Variants in PHACTR4 observed in about 807,000 individuals in gnomAD.
PHACTR4 encodes the protein phosphatase and actin regulator 4.
In PHACTR4, 51 loss-of-function variants were observed where a neutral mutation model predicts 72.7. That is an observed-to-expected ratio of 0.70 (90% CI 0.56 to 0.89). PHACTR4 has a LOEUF of 0.89. PHACTR4 is among the 40% of genes least tolerant of loss of function. PHACTR4 has a pLI of 0.00. For missense variants in PHACTR4, 731 were observed against 861.8 expected (o/e 0.85, Z 1.90); for synonymous variants, 255 against 302.5 (o/e 0.84, Z 1.63).
intron 1 of PHACTR4, among the ~76,000 whole-genome samples, chr1:28,404,268 T>C (rs933372260): frequency 1.4e-5 from 2 of 144,578 alleles, no homozygotes; most frequent in South Asian, 4.3e-4. Context: ...AGATTTTGTA[T>C]GAACATCCTT....
intron 1 of PHACTR4, among the ~76,000 whole-genome samples, chr1:28,391,737 C>T (rs1653060729): frequency 6.6e-6 from 1 of 150,724 alleles, no homozygotes. Context: ...TCCCAAGTAG[C>T]TGGAATTACA....
At chr1:28,401,514 C>G (rs1190109347) in intron 1 of PHACTR4, among the ~76,000 whole-genome samples, 1 of 151,888 alleles carries the variant, frequency 6.6e-6, no homozygotes, top group Non-Finnish European at 1.5e-5. Context: ...ACCATGTTGG[C>G]CAGGCTGGTT....
In PHACTR4 at chr1:28,409,951, A is replaced by ATTTTTTT. The variant is rs57186471; in HGVS notation, c.16+2516_16+2522dup. On this transcript the variant is annotated intron_variant, in intron 2 of 13. Transcript: ENST00000373839. ...GAGGGCAGTCTGTACTTCTTCATAA[A>ATTTTTTT]TTTTTTTTTTTTTTTTTTTTTTTTT... is the stretch of plus-strand genomic sequence containing the variant. 4.4e-4 allele frequency among the ~76,000 whole-genome samples: 29 copies of ATTTTTTT among 66,364 alleles called. 2 individuals carry two copies. Among genetic ancestry groups the ATTTTTTT allele is most frequent in the African/African-American group, 1.0e-3 (16 of 15,674 alleles). The allele number at this position is 66,364 out of a possible 152,430, so 43.5% of individuals were successfully genotyped here.
intron 8 of PHACTR4, among the ~76,000 whole-genome samples, chr1:28,479,720 G>T (rs115871141): frequency 6.6e-6 from 1 of 150,726 alleles, no homozygotes; most frequent in African/African-American, 2.5e-5. Context: ...CCCGAAACCC[G>T]GTGTCTACTA....
chr1:28,382,604 A>G (rs10794517), intron 1 of PHACTR4, among the ~76,000 whole-genome samples: 58,619 of 151,154 alleles, frequency 0.39, 12,995 homozygotes, highest in African/African-American at 0.6. Context: ...CGCCCGGCCT[A>G]TCATGAAATT....
At chr1:28,424,886 C>G (rs1470577715) in intron 2 of PHACTR4, among the ~76,000 whole-genome samples, 1 of 151,940 alleles carries the variant, frequency 6.6e-6, no homozygotes, top group South Asian at 2.1e-4. Context: ...CTCTTCCTCC[C>G]AGGTTCAAAC....
chr1:28,416,620 C>T (rs1045982499), intron 2 of PHACTR4, among the ~76,000 whole-genome samples: 6 of 152,196 alleles, frequency 3.9e-5, no homozygotes, highest in South Asian at 2.1e-4. Flanking sequence ...CTTCTGACTA[C>T]GTCTTACTCC....
chr1:28,410,457 A>C (rs1449078791), intron 2 of PHACTR4, among the ~76,000 whole-genome samples: 1 of 152,194 alleles, frequency 6.6e-6, no homozygotes, highest in African/African-American at 2.4e-5. Context: ...TCCTTGCTTC[A>C]CTTAAGTAAA....
chr1:28,422,011 C>G (rs373550084), intron 2 of PHACTR4, among the ~76,000 whole-genome samples: 13 of 152,288 alleles, frequency 8.5e-5, no homozygotes, highest in African/African-American at 3.1e-4. Context: ...GCTCACTGCC[C>G]TAACTGCCAT....
chr1:28,433,295 T>C (rs1043981787), intron 2 of PHACTR4, among the ~76,000 whole-genome samples: 5 of 151,962 alleles, frequency 3.3e-5, no homozygotes, highest in African/African-American at 9.7e-5. Flanking sequence ...TTAATGTCAT[T>C]AGTGTGCCAG....
chr1:28,439,979 C>T (rs61783847), intron 2 of PHACTR4, among the ~76,000 whole-genome samples: 58,602 of 151,928 alleles, frequency 0.39, 12,995 homozygotes, highest in African/African-American at 0.6. Flanking sequence ...AAGAAGAATG[C>T]CCATCTAAGA....
At chr1:28,480,340 A>T (rs1306698583) in intron 8 of PHACTR4, 111 bp from the exon 9 acceptor site, 12 of 1,257,906 alleles carry the variant, frequency 9.5e-6, no homozygotes, top group Non-Finnish European at 1.3e-5. Context: ...GCCAGGTGGG[A>T]ACTGGGAATT....
At chr1:28,383,723 GTTGT>G (rs1293693837) in intron 1 of PHACTR4, among the ~76,000 whole-genome samples, 1 of 152,166 alleles carries the variant, frequency 6.6e-6, no homozygotes, top group Non-Finnish European at 1.5e-5. Flanking sequence ...TTTTGCTGAA[GTTGT>G]TTATCAGCTT....
chr1:28,380,051 CTTTTTTT>C (rs1227241664), intron 1 of PHACTR4, among the ~76,000 whole-genome samples: 3 of 117,294 alleles, frequency 2.6e-5, no homozygotes, highest in Non-Finnish European at 3.4e-5. Flanking sequence ...TTAAATGTAA[CTTTTTTT>C]TTTTTTTTTT....
intron 3 of PHACTR4, 101 bp from the exon 4 acceptor site, chr1:28,460,105 ATAAACT>A: frequency 3.2e-6 from 2 of 618,552 alleles, no homozygotes; most frequent in Non-Finnish European, 5.4e-6. Flanking sequence ...TCCTGAGAAT[ATAAACT>A]TAAACTACTT....
intron 4 of PHACTR4, among the ~76,000 whole-genome samples, chr1:28,461,985 C>T (rs1658842618): frequency 6.7e-6 from 1 of 149,842 alleles, no homozygotes; most frequent in African/African-American, 2.5e-5. Flanking sequence ...TTAATGGTTT[C>T]ACTGTAGCAC....
At chr1:28,405,157 C>T (rs1654228223) in intron 1 of PHACTR4, among the ~76,000 whole-genome samples, 1 of 151,954 alleles carries the variant, frequency 6.6e-6, no homozygotes, top group Admixed American at 6.6e-5. Flanking sequence ...TATATACATC[C>T]TTTGCCCATT....
chr1:28,373,679 G>C (rs879410924), intron 1 of PHACTR4, among the ~76,000 whole-genome samples: 5 of 152,142 alleles, frequency 3.3e-5, no homozygotes, highest in Admixed American at 2.6e-4. Flanking sequence ...TCTCACCTCA[G>C]CCTCCCAAAG....
chr1:28,447,601 G>T (rs1657578288), intron 2 of PHACTR4, among the ~76,000 whole-genome samples: 1 of 151,436 alleles, frequency 6.6e-6, no homozygotes, highest in South Asian at 2.1e-4. Flanking sequence ...AAAGTTTGAA[G>T]TTTTTTTTCC....
Sources: gnomAD v4.1 joint callset for allele counts (sites outside exome capture counted in the v4.1 genomes callset) on GRCh38, gnomAD v4.1.1 for gene constraint, MANE v1.5 for transcripts, NCBI Gene and HGNC (gene_info 2026-07-23, HGNC 2026-07-21) for gene names.